The following CNST variants were observed in gnomAD, a reference collection of about 807,000 sequenced individuals.
CNST encodes consortin, connexin sorting protein, also known as consortin.
In CNST, 39 loss-of-function variants were observed where a neutral mutation model predicts 72.4. That is an observed-to-expected ratio of 0.54 (90% CI 0.42 to 0.70). The LOEUF (loss-of-function observed/expected upper bound fraction) is 0.70, where lower values mean the gene tolerates loss of function less well. Among genes scored for constraint, CNST ranks in the 30% least tolerant of loss-of-function variants. CNST has a pLI of 0.00. For synonymous variants in CNST, 332 were observed against 320.1 expected (o/e 1.04, Z -0.40); for missense variants, 871 against 868.5 (o/e 1.00, Z -0.04).
chr1:246,588,291 T>C (rs1383486722), intron 1 of CNST, among the ~76,000 whole-genome samples: 3 of 152,124 alleles, frequency 2.0e-5, no homozygotes, highest in Non-Finnish European at 4.4e-5. Flanking sequence ...CCAGGGGTAT[T>C]TGGAATATGG....
intron 9 of CNST, among the ~76,000 whole-genome samples, chr1:246,649,375 GT>G (rs869147937): frequency 6.6e-6 from 1 of 152,070 alleles, no homozygotes; most frequent in Non-Finnish European, 1.5e-5. Context: ...GTTAAAAATA[GT>G]TTTTTAAAAA....
intron 1 of CNST, among the ~76,000 whole-genome samples, chr1:246,578,976 G>C (rs559675454): frequency 6.6e-6 from 1 of 152,322 alleles, no homozygotes; most frequent in African/African-American, 2.4e-5. Context: ...TAGGACTGTT[G>C]TGAGGAATTG....
intron 10 of CNST, among the ~76,000 whole-genome samples, chr1:246,663,221 G>A (rs1469571560): frequency 2.0e-5 from 3 of 151,784 alleles, no homozygotes; most frequent in Admixed American, 2.0e-4. Flanking sequence ...AGGGCATGGT[G>A]GTGTGTGCAC....
At chr1:246,615,840 T>C (rs1031075583) in intron 2 of CNST, among the ~76,000 whole-genome samples, 1 of 151,650 alleles carries the variant, frequency 6.6e-6, no homozygotes, top group Non-Finnish European at 1.5e-5. Context: ...ATTGTGCAAT[T>C]GCACTCCAGC....
intron 1 of CNST, 84 bp downstream of exon 1, chr1:246,566,747 C>T (rs557799802): frequency 1.8e-5 from 7 of 399,636 alleles, no homozygotes; most frequent in South Asian, 1.3e-4. Flanking sequence ...TCGCTCCTCC[C>T]CCTGCGCTGT....
At chr1:246,578,668 C>CAA (rs535495219) in intron 1 of CNST, among the ~76,000 whole-genome samples, 4 of 140,398 alleles carry the variant, frequency 2.8e-5, no homozygotes, top group African/African-American at 7.8e-5. Context: ...GACTCCGTTT[C>CAA]AAAAAAAAAA....
intron 9 of CNST, among the ~76,000 whole-genome samples, chr1:246,659,405 T>A (rs61852427): frequency 0.083 from 12,619 of 152,080 alleles, 621 homozygotes; most frequent in East Asian, 0.17. Context: ...CCATCCTGGC[T>A]AACTCGGTGA....
chr1:246,575,004 A>ATTTATTTATTTT (rs1660306851), intron 1 of CNST, among the ~76,000 whole-genome samples: 1 of 150,316 alleles, frequency 6.7e-6, no homozygotes, highest in African/African-American at 2.5e-5. Context: ...TTATTTATTT[A>ATTTATTTATTTT]TTTATTTTTG....
intron 4 of CNST, chr1:246,632,126 C>T (rs1011106774): frequency 1.5e-5 from 7 of 457,652 alleles, no homozygotes; most frequent in East Asian, 1.4e-4. Flanking sequence ...TTCCTAGAAC[C>T]ATCCAAAGTT....
At chr1:246,591,092 T>C (rs1661520711) in intron 1 of CNST, among the ~76,000 whole-genome samples, 1 of 152,220 alleles carries the variant, frequency 6.6e-6, no homozygotes, top group Non-Finnish European at 1.5e-5. Context: ...AGCTTTCAGT[T>C]GTCTGCTGAG....
chr1:246,663,700 A>G (rs1190709602), intron 10 of CNST, among the ~76,000 whole-genome samples: 1 of 152,112 alleles, frequency 6.6e-6, no homozygotes, highest in East Asian at 1.9e-4. Context: ...AGATCACACC[A>G]TTGCACTCTA....
At chr1:246,645,424 CT>C (rs1553384186) in intron 8 of CNST, among the ~76,000 whole-genome samples, 139 of 106,088 alleles carry the variant, frequency 1.3e-3, no homozygotes, top group African/African-American at 2.6e-3. Flanking sequence ...AAGGTTAAAA[CT>C]TTTTTTTTTT....
chr1:246,615,866 A>G (rs1398144761), intron 2 of CNST, among the ~76,000 whole-genome samples: 1 of 151,908 alleles, frequency 6.6e-6, no homozygotes, highest in Non-Finnish European at 1.5e-5. Context: ...CAAAAAGAGC[A>G]GAAACTCCAT....
intron 2 of CNST, among the ~76,000 whole-genome samples, chr1:246,610,996 C>T (rs1663279913): frequency 2.0e-5 from 3 of 152,202 alleles, no homozygotes; most frequent in Non-Finnish European, 4.4e-5. Flanking sequence ...TTTCCAGCAA[C>T]ACCTGCTGCT....
chr1:246,591,438 G>T, intron 1 of CNST, 74 bp from the exon 2 acceptor site: 3 of 1,060,502 alleles, frequency 2.8e-6, no homozygotes, highest in South Asian at 3.1e-5. Context: ...CCTAAGAGAA[G>T]GGGAAAATCA....
intron 2 of CNST, among the ~76,000 whole-genome samples, chr1:246,613,258 G>A (rs986831794): frequency 4.6e-5 from 7 of 152,260 alleles, no homozygotes; most frequent in Admixed American, 1.3e-4. Context: ...AACTTTAAAA[G>A]TGTGCTTAAA....
rs1302297217 is a variant in CNST at position 246,616,319 on chromosome 1, T to TGGGTG, written c.380-5107_380-5106insTGGGG. 6.6e-5 allele frequency among the ~76,000 whole-genome samples: 10 copies of TGGGTG among 152,184 alleles called. No individual in the cohort carries two copies. In the East Asian group the frequency reaches 1.8e-3, roughly 27 times the overall value. On this transcript the variant is annotated intron_variant, in intron 2 of 10. Coordinates refer to ENST00000366513, the MANE Select transcript of CNST (RefSeq NM_152609.3). ...CTCCCAGCATTTTGGGAGGCCAAGA[T>TGGGTG]GGGAGGACCAGTTGAGGCCAGAAGT...
intron 1 of CNST, among the ~76,000 whole-genome samples, chr1:246,587,006 G>T (rs1207677994): frequency 2.0e-5 from 3 of 152,058 alleles, no homozygotes; most frequent in Admixed American, 1.3e-4. Flanking sequence ...AGGCCTATGC[G>T]TTTAATCTTT....
chr1:246,566,997 C>G (rs1401794513), intron 1 of CNST, among the ~76,000 whole-genome samples: 1 of 152,196 alleles, frequency 6.6e-6, no homozygotes, highest in African/African-American at 2.4e-5. Flanking sequence ...GTGTGGCCCA[C>G]AGCCCGCTCT....
Sources: gnomAD v4.1 joint callset for allele counts (sites outside exome capture counted in the v4.1 genomes callset) on GRCh38, gnomAD v4.1.1 for gene constraint, MANE v1.5 for transcripts, NCBI Gene and HGNC (gene_info 2026-07-23, HGNC 2026-07-21) for gene names.